NLRP5: variants seen among roughly 807,000 people sequenced by gnomAD.
The protein encoded by NLRP5 is NACHT, LRR and PYD domains-containing protein 5.
NLRP5 carries 93 observed loss-of-function variants against 113.1 expected under a neutral mutation model. The observed-to-expected ratio is 0.82, with a 90% CI of 0.70 to 0.98. The LOEUF is 0.98. NLRP5 is among the 50% of genes least tolerant of loss of function. The probability of loss-of-function intolerance (pLI) is 0.00; values close to 1 mark genes in which losing one functional copy is unlikely to be tolerated. For missense variants in NLRP5, 1,808 were observed against 1,514.3 expected, an observed-to-expected ratio of 1.19 and a Z score of -3.22; for synonymous variants, 751 against 600.7, an observed-to-expected ratio of 1.25 and a Z score of -3.66.
At chr19:56,000,740 G>A (rs1388497984) in intron 1 of NLRP5, among the ~76,000 whole-genome samples, 1 of 151,366 alleles carries the variant, frequency 6.6e-6, no homozygotes, top group Non-Finnish European at 1.5e-5. Context: ...GGGTGTGGTG[G>A]CTCACGCCTA....
At chr19:55,997,867 A>C (rs1468004691), upstream of NLRP5, among the ~76,000 whole-genome samples, 1 of 151,764 alleles carries the variant, frequency 6.6e-6, no homozygotes, top group Non-Finnish European at 1.5e-5. Context: ...TATCTCAAAA[A>C]AAAAAATTAA....
chr19:56,008,230 A>G (rs1430667521), intron 2 of NLRP5, among the ~76,000 whole-genome samples: 1 of 152,068 alleles, frequency 6.6e-6, no homozygotes, highest in Non-Finnish European at 1.5e-5. Flanking sequence ...GCCTGGCCAC[A>G]AGACAGTTTT....
Position 56,058,226 on chromosome 19 carries a change from T to C in NLRP5, c.3300-14T>C. ...GATCTTTGGGGTTATTTTCTGGGTG[T>C]CCTGACCCTGCAGGTTGAAGGCATG... is the stretch of plus-strand genomic sequence containing the variant. On this transcript the variant is annotated splice_polypyrimidine_tract_variant and intron_variant, in intron 13 of 14. Transcript: ENST00000390649. The C allele has an allele frequency of 6.2e-7, 1 of 1,608,726 alleles. No individual in the cohort carries two copies. The highest frequency in any genetic ancestry group is 8.5e-7 in the Non-Finnish European group (1 of 1,176,866).
At chr19:56,048,138 C>CAG (rs1351946345) in intron 11 of NLRP5, among the ~76,000 whole-genome samples, 1 of 152,124 alleles carries the variant, frequency 6.6e-6, no homozygotes, top group East Asian at 1.9e-4. Context: ...CTGAAGGCAG[C>CAG]AGATGGTTGG....
intron 4 of NLRP5, among the ~76,000 whole-genome samples, chr19:56,016,135 CT>C (rs1364486053): frequency 6.6e-6 from 1 of 152,076 alleles, no homozygotes; most frequent in African/African-American, 2.4e-5. Context: ...ATTCTTTGTG[CT>C]GAGAACATTT....
At chr19:56,038,846 G>C (rs1448603021) in intron 10 of NLRP5, among the ~76,000 whole-genome samples, 1 of 152,124 alleles carries the variant, frequency 6.6e-6, no homozygotes, top group African/African-American at 2.4e-5. Flanking sequence ...TCAGAGTTTT[G>C]TTGTTGCCCA....
chr19:55,998,739 T>TAC (rs1981476057), upstream of NLRP5, among the ~76,000 whole-genome samples: 2 of 145,474 alleles, frequency 1.4e-5, 1 homozygote, highest in Admixed American at 1.4e-4. Context: ...TGTGTATATA[T>TAC]ATATACACAC....
chr19:56,006,971 C>T (rs771599339), intron 2 of NLRP5, among the ~76,000 whole-genome samples: 2 of 151,102 alleles, frequency 1.3e-5, no homozygotes, highest in Non-Finnish European at 2.9e-5. Context: ...GATCTCCCGA[C>T]CTTGTGATCC....
At chr19:56,028,602 C>T in intron 7 of NLRP5, 93 bp downstream of exon 7, 1 of 1,226,274 alleles carries the variant, frequency 8.2e-7, no homozygotes, top group Non-Finnish European at 1.1e-6. Flanking sequence ...ACTTCAAGGT[C>T]CCAGAGAATT....
intron 3 of NLRP5, 79 bp downstream of exon 3, chr19:56,008,932 C>T: frequency 8.1e-7 from 1 of 1,228,284 alleles, no homozygotes. Context: ...GGCATTAGAA[C>T]CATGACTTCT....
chr19:55,998,303 G>A (rs1024984307), upstream of NLRP5, among the ~76,000 whole-genome samples: 1 of 152,122 alleles, frequency 6.6e-6, no homozygotes, highest in Non-Finnish European at 1.5e-5. Flanking sequence ...GCTATATGGT[G>A]AGCTATGATA....
intron 2 of NLRP5, among the ~76,000 whole-genome samples, chr19:56,005,107 A>AAAAAAAAAAAAATATATATATATAT (rs1173746273): frequency 6.3e-5 from 6 of 95,342 alleles, no homozygotes; most frequent in African/African-American, 2.3e-4. Context: ...AAAAAAAAAA[A>AAAAAAAAAAAAATATATATATATAT]ATATATATAT....
At position 56,038,197 on chromosome 19, in the gene NLRP5, T is replaced by C; in HGVS notation, c.2786+2T>C. Reference sequence around the variant, plus strand: ...CCAGTGCGCCCTGCAGAAGCTGATGTGAGTGCCACTTCCTTTCCACCAGGA... The same window carrying C: ...CCAGTGCGCCCTGCAGAAGCTGATGCGAGTGCCACTTCCTTTCCACCAGGA... On this transcript the variant is annotated splice_donor_variant, in intron 10 of 14. Coordinates refer to ENST00000390649, the MANE Select transcript of NLRP5 (RefSeq NM_153447.4). LOFTEE classifies it high-confidence loss of function. 2 of 1,613,028 alleles carry C rather than the reference T, an allele frequency of 1.2e-6. No homozygotes were observed. Among genetic ancestry groups the C allele is most frequent in the Non-Finnish European group, 1.7e-6 (2 of 1,179,208 alleles).
upstream of NLRP5, among the ~76,000 whole-genome samples, chr19:55,994,803 C>A (rs970668684): frequency 3.3e-5 from 5 of 152,286 alleles, no homozygotes; most frequent in Admixed American, 2.0e-4. Flanking sequence ...CTTTTGAAGT[C>A]TTAGCCGCAA....
At chr19:56,022,491 T>C (rs895153610) in intron 6 of NLRP5, among the ~76,000 whole-genome samples, 1 of 152,108 alleles carries the variant, frequency 6.6e-6, no homozygotes, top group Non-Finnish European at 1.5e-5. Flanking sequence ...AGCATCCCAA[T>C]GCACTAGGAT....
chr19:55,994,418 G>A, the NLRP5 span, among the ~76,000 whole-genome samples: 1 of 151,940 alleles, frequency 6.6e-6, no homozygotes, highest in Admixed American at 6.6e-5. Context: ...TTGGGAGGGG[G>A]GACAGAGTCT....
chr19:56,056,597 T>A (rs1255114813), intron 13 of NLRP5, among the ~76,000 whole-genome samples: 1 of 152,142 alleles, frequency 6.6e-6, no homozygotes, highest in African/African-American at 2.4e-5. Flanking sequence ...ATTTAACCCA[T>A]GTTAATCAGA....
chr19:56,040,794 T>A, intron 10 of NLRP5, 128 bp from the exon 11 acceptor site: 1 of 720,994 alleles, frequency 1.4e-6, no homozygotes, highest in Non-Finnish European at 2.2e-6. Flanking sequence ...GGATGCGACT[T>A]CACCATATGT....
At chr19:56,017,102 C>T (rs562624652) in intron 4 of NLRP5, among the ~76,000 whole-genome samples, 8 of 152,272 alleles carry the variant, frequency 5.3e-5, no homozygotes, top group Middle Eastern at 3.4e-3. Context: ...CCACCGCGCC[C>T]GGCCAAAATC....
Sources: gnomAD v4.1 joint callset for allele counts (sites outside exome capture counted in the v4.1 genomes callset) on GRCh38, gnomAD v4.1.1 for gene constraint, MANE v1.5 for transcripts, NCBI Gene and HGNC (gene_info 2026-07-23, HGNC 2026-07-21) for gene names.